CNTNAP2: variants seen among roughly 807,000 people sequenced by gnomAD.
The protein encoded by CNTNAP2 is contactin-associated protein-like 2.
In CNTNAP2, 98 loss-of-function variants were observed where a neutral mutation model predicts 155.2. The observed-to-expected ratio is 0.63, with a 90% CI of 0.54 to 0.75. The LOEUF is 0.75. Among genes scored for constraint, CNTNAP2 ranks in the 30% least tolerant of loss-of-function variants. The pLI is 0.00. For synonymous variants in CNTNAP2, 651 were observed against 631.2 expected (o/e 1.03, Z -0.47); for missense variants, 1,727 against 1,688.1 (o/e 1.02, Z -0.40).
At chr7:147,647,334 AT>A (rs1795382820) in intron 13 of CNTNAP2, among the ~76,000 whole-genome samples, 1 of 151,660 alleles carries the variant, frequency 6.6e-6, no homozygotes, top group South Asian at 2.1e-4. Context: ...AGGGTCAGAG[AT>A]AAAGAGAGAC....
At chr7:147,880,035 T>C (rs1799492291) in intron 13 of CNTNAP2, among the ~76,000 whole-genome samples, 1 of 152,192 alleles carries the variant, frequency 6.6e-6, no homozygotes, top group Non-Finnish European at 1.5e-5. Context: ...CCAATATTCC[T>C]CTCCTAGACA....
chr7:146,638,646 G>A (rs1799649828), intron 1 of CNTNAP2, among the ~76,000 whole-genome samples: 1 of 151,290 alleles, frequency 6.6e-6, no homozygotes, highest in Admixed American at 6.6e-5. Context: ...CACCACACCT[G>A]GCTAATTTTT....
At chr7:146,591,945 A>G (rs1057159963) in intron 1 of CNTNAP2, among the ~76,000 whole-genome samples, 3 of 152,178 alleles carry the variant, frequency 2.0e-5, no homozygotes, top group Admixed American at 6.5e-5. Flanking sequence ...CTCCTCCAGT[A>G]TTCTCTGTGT....
intron 13 of CNTNAP2, among the ~76,000 whole-genome samples, chr7:147,723,272 G>A (rs923750812): frequency 2.6e-5 from 4 of 151,960 alleles, no homozygotes; most frequent in Admixed American, 2.6e-4. Context: ...ATTACAGTCA[G>A]GAAACAGGAA....
chr7:146,711,280 A>G (rs2129175115), intron 1 of CNTNAP2, among the ~76,000 whole-genome samples: 1 of 147,042 alleles, frequency 6.8e-6, no homozygotes, highest in African/African-American at 2.5e-5. Context: ...AATATATAAT[A>G]GAAAACATAA....
intron 21 of CNTNAP2, among the ~76,000 whole-genome samples, chr7:148,333,498 G>T (rs886451573): frequency 6.6e-6 from 1 of 152,016 alleles, no homozygotes; most frequent in African/African-American, 2.4e-5. Context: ...GGAACATTTT[G>T]GTTCTTTTCC....
At chr7:147,642,013 T>C (rs1049147492) in intron 13 of CNTNAP2, among the ~76,000 whole-genome samples, 7 of 148,466 alleles carry the variant, frequency 4.7e-5, no homozygotes, top group African/African-American at 7.6e-5. Context: ...TGTGTGTGCG[T>C]GTGTGTGTGT....
chr7:146,908,243 G>A (rs1486385856), intron 3 of CNTNAP2, among the ~76,000 whole-genome samples: 5 of 151,752 alleles, frequency 3.3e-5, no homozygotes, highest in Admixed American at 6.6e-5. Context: ...ACAGATCAAC[G>A]AGACAGAAAG....
intron 1 of CNTNAP2, among the ~76,000 whole-genome samples, chr7:146,317,189 A>G (rs1800921926): frequency 6.6e-6 from 1 of 152,184 alleles, no homozygotes; most frequent in Non-Finnish European, 1.5e-5. Context: ...CAATACATTA[A>G]AATTAGAAGT....
chr7:147,974,166 A>G (rs1801385171), intron 14 of CNTNAP2, among the ~76,000 whole-genome samples: 1 of 152,212 alleles, frequency 6.6e-6, no homozygotes, highest in African/African-American at 2.4e-5. Flanking sequence ...GAGTGTGTAG[A>G]TATGTGAATT....
chr7:147,238,716 A>T (rs1803872135), intron 8 of CNTNAP2, among the ~76,000 whole-genome samples: 1 of 152,192 alleles, frequency 6.6e-6, no homozygotes, highest in Non-Finnish European at 1.5e-5. Flanking sequence ...ATTTAGATGT[A>T]TTTCCAGTAA....
At chr7:147,115,574 C>T (rs1044477093) in intron 5 of CNTNAP2, among the ~76,000 whole-genome samples, 1 of 152,158 alleles carries the variant, frequency 6.6e-6, no homozygotes, top group African/African-American at 2.4e-5. Context: ...AGTTAGGCTT[C>T]AAGCTCTGAG....
chr7:146,671,911 G>C (rs758801590), intron 1 of CNTNAP2, among the ~76,000 whole-genome samples: 4 of 151,962 alleles, frequency 2.6e-5, no homozygotes, highest in Non-Finnish European at 5.9e-5. Flanking sequence ...CGCCGCCTGG[G>C]TTCAAGCGAT....
At chr7:147,480,635 G>C (rs1364349128) in intron 10 of CNTNAP2, among the ~76,000 whole-genome samples, 1 of 152,154 alleles carries the variant, frequency 6.6e-6, no homozygotes, top group Non-Finnish European at 1.5e-5. Context: ...CATGGCAGGA[G>C]GACCTATGGA....
intron 10 of CNTNAP2, among the ~76,000 whole-genome samples, chr7:147,450,721 C>T (rs926918817): frequency 3.9e-5 from 6 of 152,170 alleles, no homozygotes; most frequent in African/African-American, 2.4e-5. Flanking sequence ...TTTATTTTGA[C>T]TTTAAGATGC....
chr7:148,158,872 G>A (rs1805458247), intron 17 of CNTNAP2, among the ~76,000 whole-genome samples: 1 of 152,124 alleles, frequency 6.6e-6, no homozygotes, highest in South Asian at 2.1e-4. Flanking sequence ...TTCCGATAAG[G>A]ACTGAACTAA....
chr7:147,165,919 A>G (rs1206999893), intron 8 of CNTNAP2, among the ~76,000 whole-genome samples: 3 of 152,176 alleles, frequency 2.0e-5, no homozygotes, highest in Admixed American at 6.6e-5. Context: ...GAACGCTTCT[A>G]CACTGCTGGT....
At chr7:147,615,524 G>A (rs1302320437) in intron 12 of CNTNAP2, among the ~76,000 whole-genome samples, 1 of 151,938 alleles carries the variant, frequency 6.6e-6, no homozygotes, top group Non-Finnish European at 1.5e-5. Context: ...GCAGTACAAT[G>A]TAAATTCAAC....
chr7:148,145,312 C>T (rs552257413), intron 16 of CNTNAP2, among the ~76,000 whole-genome samples: 2 of 152,122 alleles, frequency 1.3e-5, no homozygotes, highest in East Asian at 1.9e-4. Context: ...GTTAAGGTGA[C>T]GGTGAAGAAA....
Sources: allele counts gnomAD v4.1 joint callset (sites outside exome capture counted in the v4.1 genomes callset), GRCh38; gene constraint gnomAD v4.1.1; transcripts MANE v1.5; gene names NCBI Gene and HGNC (gene_info 2026-07-23, HGNC 2026-07-21).